The following PAK6 variants were observed in gnomAD, a reference collection of about 807,000 sequenced individuals.
The protein encoded by PAK6 is p21 (RAC1) activated kinase 6, also known as serine/threonine-protein kinase PAK 6.
PAK6 carries 33 observed loss-of-function variants against 60.8 expected under a neutral mutation model. That is an observed-to-expected ratio of 0.54 (90% CI 0.41 to 0.73). The LOEUF (loss-of-function observed/expected upper bound fraction) is 0.73. Ranked by LOEUF, PAK6 falls within the 30% of genes least tolerant of loss-of-function variation. The pLI, the probability that PAK6 is intolerant of heterozygous loss-of-function variation, is 0.00. For missense variants in PAK6, 845 were observed against 904.1 expected (o/e 0.93, Z 0.84); for synonymous variants, 404 against 378.5 (o/e 1.07, Z -0.78).
intron 5 of PAK6, among the ~76,000 whole-genome samples, chr15:40,269,694 C>T: frequency 6.6e-6 from 1 of 152,150 alleles, no homozygotes; most frequent in East Asian, 1.9e-4. Flanking sequence ...GGCTGAAGAC[C>T]AAGCCAGCTC....
chr15:40,268,817 C>T (rs933640129), intron 5 of PAK6, among the ~76,000 whole-genome samples: 1 of 152,178 alleles, frequency 6.6e-6, no homozygotes, highest in African/African-American at 2.4e-5. Flanking sequence ...GAAGGGCAAA[C>T]ATTGGTTAAG....
intron 3 of PAK6, among the ~76,000 whole-genome samples, chr15:40,260,593 G>A (rs1322374109): frequency 2.0e-5 from 3 of 151,952 alleles, no homozygotes; most frequent in East Asian, 1.9e-4. Context: ...CTCCAACTTC[G>A]TTCATTAAGA....
intron 2 of PAK6, chr15:40,246,855 C>T (rs1413215306): frequency 6.6e-6 from 1 of 152,312 alleles, no homozygotes; most frequent in Non-Finnish European, 1.5e-5. Context: ...AGGGCACATG[C>T]AGAGGTCCAC....
exon 5 of PAK6, chr15:40,265,954 C>G (rs993162567): frequency 6.2e-7 from 1 of 1,606,068 alleles, no homozygotes; most frequent in African/African-American, 1.3e-5. Flanking sequence ...CGCAGCCCCA[C>G]CAGCCGGCGG....
At chr15:40,244,514 C>T (rs934053923) in intron 2 of PAK6, among the ~76,000 whole-genome samples, 12 of 151,774 alleles carry the variant, frequency 7.9e-5, no homozygotes, top group Middle Eastern at 3.4e-3. Flanking sequence ...TCTCCTGCCT[C>T]AGCCTCCCAA....
rs548948103 is a variant in PAK6 at position 40,243,442 on chromosome 15, TTAGG to T, written c.-118+2762_-118+2765del. Among the ~76,000 whole-genome samples the T allele has an allele frequency of 6.6e-5, 10 of 152,222 alleles. No homozygotes were observed. The South Asian group carries it at 2.1e-3, about 32-fold the overall frequency. On this transcript the variant is annotated intron_variant, in intron 2 of 10. Transcript: ENST00000560346. Reference sequence around the variant, plus strand: ...CAGAGATAATTATAGTACCTATGAGTTAGGGTTGTTGAGAGGATTAAATAAGATA... The same window carrying T: ...CAGAGATAATTATAGTACCTATGAGTGTTGTTGAGAGGATTAAATAAGATA...
chr15:40,266,445 G>GCCA (rs1276300212), exon 5 of PAK6: 1 of 1,612,444 alleles, frequency 6.2e-7, no homozygotes, highest in Non-Finnish European at 8.5e-7. Context: ...GTCCACTGCT[G>GCCA]CCACAGCCCC....
chr15:40,242,238 G>A (rs983691557), intron 2 of PAK6, among the ~76,000 whole-genome samples: 3 of 152,210 alleles, frequency 2.0e-5, no homozygotes, highest in Non-Finnish European at 2.9e-5. Flanking sequence ...GGCCCTCTGC[G>A]TAGGTGACTG....
chr15:40,248,360 G>A (rs2140947688), intron 2 of PAK6, among the ~76,000 whole-genome samples: 1 of 152,302 alleles, frequency 6.6e-6, no homozygotes, highest in African/African-American at 2.4e-5. Context: ...GGGGAGGAAG[G>A]GATTTTCTCC....
chr15:40,273,906 G>C (rs1049513327), intron 9 of PAK6: 3 of 669,276 alleles, frequency 4.5e-6, no homozygotes, highest in Non-Finnish European at 5.0e-6. Flanking sequence ...GGGTATGGCC[G>C]GGCCTCCTAT....
At chr15:40,267,003 T>A (rs12439947) in intron 5 of PAK6, 25,894 of 152,914 alleles carry the variant, frequency 0.17, 2,619 homozygotes, top group Admixed American at 0.27. Flanking sequence ...AGAGGGTGAG[T>A]CACCCCCAGG....
chr15:40,258,327 CGG>C (rs1232644773), intron 3 of PAK6, among the ~76,000 whole-genome samples: 1 of 152,150 alleles, frequency 6.6e-6, no homozygotes, highest in Non-Finnish European at 1.5e-5. Context: ...TGACTCAGTC[CGG>C]GGTAAGCATG....
At chr15:40,251,112 G>C (rs2038654578) in intron 2 of PAK6, 1 of 152,564 alleles carries the variant, frequency 6.6e-6, no homozygotes. Flanking sequence ...TCAGAGGAAA[G>C]AGAAAGAATC....
At chr15:40,266,067 T>C in exon 5 of PAK6, 1 of 1,610,304 alleles carries the variant, frequency 6.2e-7, no homozygotes, top group African/African-American at 1.3e-5. Flanking sequence ...CCACGGCCTC[T>C]ACCTCAGCTG....
chr15:40,250,903 G>A (rs1048164), intron 2 of PAK6: 35,260 of 152,444 alleles, frequency 0.23, 5,059 homozygotes, highest in Non-Finnish European at 0.34. Flanking sequence ...CCACCTCCAC[G>A]CAGCACATTC....
intron 2 of PAK6, among the ~76,000 whole-genome samples, chr15:40,241,889 A>C (rs1442275896): frequency 1.3e-5 from 2 of 152,238 alleles, no homozygotes; most frequent in Non-Finnish European, 2.9e-5. Flanking sequence ...AGTGTCTCTC[A>C]TGCCAGTGAA....
chr15:40,270,596 A>ACACAGTGGATGGTGACAGTGTCACAGTGT (rs1241440975), intron 5 of PAK6, among the ~76,000 whole-genome samples: 1 of 152,188 alleles, frequency 6.6e-6, no homozygotes, highest in Non-Finnish European at 1.5e-5. Context: ...CTGCTCCACT[A>ACACAGTGGATGGTGACAGTGTCACAGTGT]CACAGTGGAT....
At chr15:40,256,541 G>A (rs2038839191) in intron 3 of PAK6, among the ~76,000 whole-genome samples, 2 of 152,144 alleles carry the variant, frequency 1.3e-5, no homozygotes, top group Admixed American at 6.5e-5. Flanking sequence ...TGTAGCACTC[G>A]GGGCTCACCT....
intron 3 of PAK6, 73 bp from the exon 4 acceptor site, chr15:40,264,708 C>T: frequency 1.5e-6 from 2 of 1,340,504 alleles, no homozygotes; most frequent in Non-Finnish European, 2.1e-6. Flanking sequence ...GAGCCCTGAA[C>T]CTGGTGCCCC....
Sources: allele counts gnomAD v4.1 joint callset (sites outside exome capture counted in the v4.1 genomes callset), GRCh38; gene constraint gnomAD v4.1.1; transcripts MANE v1.5; gene names NCBI Gene and HGNC (gene_info 2026-07-23, HGNC 2026-07-21).